Variants in MAP2 observed in about 807,000 individuals in gnomAD.
MAP2 encodes the protein microtubule-associated protein 2.
Under a neutral mutation model 137.6 loss-of-function variants are expected in MAP2, and 14 were observed. The ratio of observed to expected loss-of-function variants is 0.10; its 90% CI spans 0.07 to 0.16. MAP2 has a LOEUF of 0.16. Among genes scored for constraint, MAP2 ranks in the 10% least tolerant of loss-of-function variants. MAP2 has a pLI of 1.00. For missense variants in MAP2, 2,088 were observed against 2,191.5 expected (o/e 0.95, Z 0.94); for synonymous variants, 786 against 782.3 (o/e 1.00, Z -0.08).
intron 1 of MAP2, among the ~76,000 whole-genome samples, chr2:209,492,297 A>G (rs1559231564): frequency 6.6e-6 from 1 of 152,218 alleles, no homozygotes; most frequent in Non-Finnish European, 1.5e-5. Context: ...TCTCAAAATA[A>G]TAAGAGCTAT....
intron 3 of MAP2, among the ~76,000 whole-genome samples, chr2:209,591,482 A>G (rs2079226799): frequency 1.3e-5 from 2 of 151,800 alleles, no homozygotes; most frequent in Non-Finnish European, 2.9e-5. Flanking sequence ...CCCCACCACA[A>G]TTTTCCCACT....
At chr2:209,673,342 G>A (rs1189209439) in intron 5 of MAP2, among the ~76,000 whole-genome samples, 2 of 151,634 alleles carry the variant, frequency 1.3e-5, no homozygotes, top group Non-Finnish European at 1.5e-5. Flanking sequence ...TACAGAAATT[G>A]TCTCATTATC....
intron 4 of MAP2, among the ~76,000 whole-genome samples, chr2:209,644,347 C>T (rs1426068533): frequency 3.3e-5 from 5 of 151,938 alleles, no homozygotes; most frequent in African/African-American, 1.2e-4. Context: ...TATTCGTGTC[C>T]AGTAGTTTGT....
At chr2:209,657,030 T>C (rs2041269342) in intron 5 of MAP2, among the ~76,000 whole-genome samples, 1 of 152,250 alleles carries the variant, frequency 6.6e-6, no homozygotes. Flanking sequence ...CGTATGGTAT[T>C]TGATTTTCTC....
At chr2:209,598,257 G>A (rs1016204206) in intron 3 of MAP2, among the ~76,000 whole-genome samples, 3 of 151,644 alleles carry the variant, frequency 2.0e-5, no homozygotes, top group Non-Finnish European at 2.9e-5. Flanking sequence ...TGCTCACCTC[G>A]GCCTCCCAAA....
intron 1 of MAP2, among the ~76,000 whole-genome samples, chr2:209,445,665 C>G (rs988765369): frequency 2.0e-5 from 3 of 151,476 alleles, no homozygotes; most frequent in African/African-American, 7.3e-5. Flanking sequence ...TAAATATGAT[C>G]AAGAAAATCA....
chr2:209,425,755 C>T (rs368933198), intron 1 of MAP2, among the ~76,000 whole-genome samples: 1 of 152,280 alleles, frequency 6.6e-6, no homozygotes, highest in East Asian at 1.9e-4. Context: ...TTCACTATGT[C>T]ATTTCACTGT....
intron 1 of MAP2, among the ~76,000 whole-genome samples, chr2:209,490,074 G>A (rs891180363): frequency 6.6e-6 from 1 of 152,192 alleles, no homozygotes; most frequent in Non-Finnish European, 1.5e-5. Flanking sequence ...AGACACAGCA[G>A]ATCTCTCTGT....
intron 4 of MAP2, among the ~76,000 whole-genome samples, chr2:209,641,488 G>C (rs1401543530): frequency 2.0e-5 from 3 of 151,238 alleles, no homozygotes; most frequent in African/African-American, 4.9e-5. Flanking sequence ...AAGTTTATTT[G>C]TTCAATGGCT....
chr2:209,488,418 G>A (rs1300435659), intron 1 of MAP2, among the ~76,000 whole-genome samples: 1 of 152,070 alleles, frequency 6.6e-6, no homozygotes, highest in Non-Finnish European at 1.5e-5. Flanking sequence ...AGTGGCACCT[G>A]GAAGGCCAGT....
At chr2:209,444,648 C>T (rs1383431350) in intron 1 of MAP2, among the ~76,000 whole-genome samples, 1 of 151,410 alleles carries the variant, frequency 6.6e-6, no homozygotes, top group African/African-American at 2.4e-5. Context: ...AACCTCATTA[C>T]AGTAATTACT....
intron 4 of MAP2, among the ~76,000 whole-genome samples, chr2:209,629,187 G>T (rs1463963265): frequency 6.6e-6 from 1 of 152,132 alleles, no homozygotes; most frequent in East Asian, 1.9e-4. Context: ...ATTATTCCTT[G>T]CAGTCTTTTA....
At position 209,733,855 on chromosome 2, in the gene MAP2, A is replaced by C. The variant is rs1225781221; in HGVS notation, c.*3458A>C. On this transcript the variant is annotated 3_prime_UTR_variant, in exon 16 of 16. Transcript: ENST00000682079. ...CTCAGAAAATAAAATGTCAATCATA[A>C]AAATCTACTTCAACTTTAGCAAAAA... is the stretch of plus-strand genomic sequence containing the variant. The C allele has an allele frequency of 6.6e-6, 1 of 152,312 alleles. No individual in the cohort carries two copies. 9.4% of individuals were successfully genotyped at this position (152,312 alleles called of 1,614,324 possible). A position where few individuals can be genotyped will look rare whatever the true frequency, so the allele number is the denominator to read the frequency against.
chr2:209,498,613 T>C (rs1258264897), intron 1 of MAP2, among the ~76,000 whole-genome samples: 3 of 152,242 alleles, frequency 2.0e-5, no homozygotes, highest in Non-Finnish European at 1.5e-5. Flanking sequence ...CTTTGAAATC[T>C]AGGTGGAAGG....
chr2:209,690,938 T>C, intron 7 of MAP2: 1 of 1,142,804 alleles, frequency 8.8e-7, no homozygotes, highest in Non-Finnish European at 1.1e-6. Flanking sequence ...GCTATTTCGC[T>C]ATTTCATCGC....
At chr2:209,466,691 A>G (rs1351075552) in intron 1 of MAP2, among the ~76,000 whole-genome samples, 1 of 152,196 alleles carries the variant, frequency 6.6e-6, no homozygotes, top group Admixed American at 6.5e-5. Context: ...TAAATGCTAC[A>G]TATTTCTTTC....
intron 2 of MAP2, among the ~76,000 whole-genome samples, chr2:209,538,988 A>G (rs2066443959): frequency 6.6e-6 from 1 of 152,188 alleles, no homozygotes; most frequent in Non-Finnish European, 1.5e-5. Flanking sequence ...ACACTAATAC[A>G]GTAACTGGTT....
intron 5 of MAP2, among the ~76,000 whole-genome samples, chr2:209,653,853 TA>T (rs1390417336): frequency 2.0e-5 from 3 of 152,340 alleles, no homozygotes; most frequent in African/African-American, 7.2e-5. Context: ...GTAATTTTTT[TA>T]ATCCATCATT....
chr2:209,426,665 T>C (rs1484520973), intron 1 of MAP2, among the ~76,000 whole-genome samples: 1 of 152,170 alleles, frequency 6.6e-6, no homozygotes, highest in Non-Finnish European at 1.5e-5. Context: ...AGCACACCCA[T>C]CTCAGGGCAA....
Sources: allele counts gnomAD v4.1 joint callset (sites outside exome capture counted in the v4.1 genomes callset), GRCh38; gene constraint gnomAD v4.1.1; transcripts MANE v1.5; gene names NCBI Gene and HGNC (gene_info 2026-07-23, HGNC 2026-07-21).